The following SPOCK3 variants were observed in gnomAD, a reference collection of about 807,000 sequenced individuals.
SPOCK3 encodes the protein testican-3.
SPOCK3 carries 30 observed loss-of-function variants against 56.6 expected under a neutral mutation model. The ratio of observed to expected loss-of-function variants is 0.53; its 90% CI spans 0.40 to 0.72. The LOEUF is 0.72. SPOCK3 is among the 30% of genes least tolerant of loss of function. The pLI, the probability that SPOCK3 is intolerant of heterozygous loss-of-function variation, is 0.00. For synonymous variants in SPOCK3, 196 were observed against 183.3 expected (o/e 1.07, Z -0.56); for missense variants, 527 against 530.0 (o/e 0.99, Z 0.06).
At chr4:167,196,524 T>G (rs1732969219) in intron 2 of SPOCK3, among the ~76,000 whole-genome samples, 1 of 152,026 alleles carries the variant, frequency 6.6e-6, no homozygotes. Flanking sequence ...TTTCTTTTTT[T>G]TTTACATTTA....
chr4:166,816,099 T>A (rs1744350551), intron 6 of SPOCK3, among the ~76,000 whole-genome samples: 1 of 152,076 alleles, frequency 6.6e-6, no homozygotes, highest in Non-Finnish European at 1.5e-5. Flanking sequence ...AAAATGAATG[T>A]AAATAATTTC....
At chr4:167,188,897 G>T (rs2110829719) in intron 2 of SPOCK3, among the ~76,000 whole-genome samples, 1 of 146,276 alleles carries the variant, frequency 6.8e-6, no homozygotes, top group East Asian at 2.1e-4. Flanking sequence ...GTTCAGACAA[G>T]AAAAGAGGTA....
At chr4:166,918,255 C>G (rs909658734) in intron 4 of SPOCK3, 1 of 152,152 alleles carries the variant, frequency 6.6e-6, no homozygotes, top group Non-Finnish European at 1.5e-5. Context: ...ATGGAACTTA[C>G]TAAATCTACA....
chr4:167,037,346 G>T (rs112112326), intron 3 of SPOCK3, among the ~76,000 whole-genome samples: 16,460 of 152,006 alleles, frequency 0.11, 1,117 homozygotes, highest in Middle Eastern at 0.22. Flanking sequence ...GCCCGGCGTG[G>T]TGGGGTGTGC....
chr4:166,896,060 A>T (rs535970095), intron 5 of SPOCK3, among the ~76,000 whole-genome samples: 1 of 152,246 alleles, frequency 6.6e-6, no homozygotes. Context: ...AGAGGAAGGA[A>T]CTGTTAATCA....
intron 3 of SPOCK3, among the ~76,000 whole-genome samples, chr4:167,008,402 T>C (rs1749675115): frequency 6.6e-6 from 1 of 152,234 alleles, no homozygotes; most frequent in Non-Finnish European, 1.5e-5. Context: ...AGAGGTAATA[T>C]TAGCATGAAG....
At chr4:167,037,364 C>T (rs1262816047) in intron 3 of SPOCK3, among the ~76,000 whole-genome samples, 2 of 151,912 alleles carry the variant, frequency 1.3e-5, no homozygotes, top group Non-Finnish European at 2.9e-5. Context: ...TGCCTGTGGT[C>T]CCAGCTACTC....
At chr4:167,158,428 T>C (rs145780506) in intron 2 of SPOCK3, among the ~76,000 whole-genome samples, 2,488 of 152,120 alleles carry the variant, frequency 0.016, 26 homozygotes, top group Middle Eastern at 0.02. Flanking sequence ...GTGGGTGTCA[T>C]CACCAACTTG....
intron 7 of SPOCK3, among the ~76,000 whole-genome samples, chr4:166,765,105 G>A (rs1159085311): frequency 6.6e-6 from 1 of 152,106 alleles, no homozygotes; most frequent in Non-Finnish European, 1.5e-5. Context: ...TGTCAGATGA[G>A]TAGATTGCAG....
chr4:167,152,128 A>C (rs749165236), intron 2 of SPOCK3, among the ~76,000 whole-genome samples: 1 of 152,256 alleles, frequency 6.6e-6, no homozygotes, highest in East Asian at 1.9e-4. Flanking sequence ...AGATACAAAT[A>C]TAAGTAGCTT....
intron 5 of SPOCK3, among the ~76,000 whole-genome samples, chr4:166,906,657 T>A (rs1267769730): frequency 6.6e-6 from 1 of 151,914 alleles, no homozygotes; most frequent in Non-Finnish European, 1.5e-5. Context: ...ATGCATAATA[T>A]CTAAAAATAT....
intron 2 of SPOCK3, among the ~76,000 whole-genome samples, chr4:167,151,657 G>A (rs917320621): frequency 2.0e-5 from 3 of 151,840 alleles, no homozygotes; most frequent in Admixed American, 2.0e-4. Flanking sequence ...GGATGGTCTC[G>A]ATCTCCTGAC....
chr4:166,917,441 C>T (rs375209582), intron 4 of SPOCK3, among the ~76,000 whole-genome samples: 11 of 152,092 alleles, frequency 7.2e-5, no homozygotes, highest in East Asian at 3.9e-4. Flanking sequence ...TGGATTATGA[C>T]GTAAAAAACC....
chr4:167,112,567 A>G (rs914809514), intron 2 of SPOCK3, among the ~76,000 whole-genome samples: 1 of 152,116 alleles, frequency 6.6e-6, no homozygotes, highest in Admixed American at 6.6e-5. Context: ...CATGTCTCCA[A>G]CAGGAGGTGG....
chr4:166,852,330 T>C (rs139799860), intron 6 of SPOCK3, among the ~76,000 whole-genome samples: 100 of 151,868 alleles, frequency 6.6e-4, no homozygotes, highest in African/African-American at 2.4e-3. Flanking sequence ...AAAAAGAAAT[T>C]TGAATTTCTT....
At chr4:166,850,743 T>C (rs1397534292) in intron 6 of SPOCK3, among the ~76,000 whole-genome samples, 1 of 152,224 alleles carries the variant, frequency 6.6e-6, no homozygotes, top group African/African-American at 2.4e-5. Context: ...CCCGCCCGAA[T>C]ACTGCGCTTT....
chr4:166,788,358 T>G (rs1441556802), intron 7 of SPOCK3, among the ~76,000 whole-genome samples: 1 of 152,162 alleles, frequency 6.6e-6, no homozygotes, highest in Admixed American at 6.5e-5. Flanking sequence ...TATGTTAGAT[T>G]AAGTTAGTTA....
chr4:167,131,394 C>T (rs1484498624), intron 2 of SPOCK3, among the ~76,000 whole-genome samples: 1 of 152,046 alleles, frequency 6.6e-6, no homozygotes, highest in African/African-American at 2.4e-5. Context: ...CAAGACCAGC[C>T]TGGCCAACAT....
intron 2 of SPOCK3, among the ~76,000 whole-genome samples, chr4:167,226,057 T>C (rs983788307): frequency 4.6e-5 from 7 of 152,328 alleles, no homozygotes; most frequent in Non-Finnish European, 1.0e-4. Flanking sequence ...AAGTAAATTC[T>C]GATTCTTGCC....
Sources: gnomAD v4.1 joint callset for allele counts (sites outside exome capture counted in the v4.1 genomes callset) on GRCh38, gnomAD v4.1.1 for gene constraint, MANE v1.5 for transcripts, NCBI Gene and HGNC (gene_info 2026-07-23, HGNC 2026-07-21) for gene names.